The following CCDC178 variants were observed in gnomAD, a reference collection of about 807,000 sequenced individuals.
The protein encoded by CCDC178 is coiled-coil domain containing 178, also known as coiled-coil domain-containing protein 178.
CCDC178 carries 126 observed loss-of-function variants against 117.4 expected under a neutral mutation model. The ratio of observed to expected loss-of-function variants is 1.07; its 90% confidence interval spans 0.93 to 1.24. The LOEUF is 1.24. Ranked by LOEUF, CCDC178 falls within the 50% of genes most tolerant of loss-of-function variation. CCDC178 has a pLI of 0.00. For synonymous variants in CCDC178, 283 were observed against 313.4 expected (o/e 0.90, Z 1.02); for missense variants, 1,030 against 986.9 (o/e 1.04, Z -0.59).
chr18:33,009,638 C>A (rs2055822467), intron 21 of CCDC178, among the ~76,000 whole-genome samples: 1 of 152,100 alleles, frequency 6.6e-6, no homozygotes, highest in Non-Finnish European at 1.5e-5. Flanking sequence ...ATTCCTATAT[C>A]CATTCTAGAT....
chr18:33,245,921 C>T (rs961059074), intron 14 of CCDC178, among the ~76,000 whole-genome samples: 1 of 151,814 alleles, frequency 6.6e-6, no homozygotes, highest in African/African-American at 2.4e-5. Context: ...TTTGCAGCAT[C>T]TTCCACTAGA....
chr18:33,020,612 C>A (rs1358882500), intron 21 of CCDC178, among the ~76,000 whole-genome samples: 1 of 152,092 alleles, frequency 6.6e-6, no homozygotes, highest in East Asian at 1.9e-4. Context: ...AAAGCAATTG[C>A]TGATCACAAT....
chr18:33,142,023 T>C (rs935900897), intron 20 of CCDC178, among the ~76,000 whole-genome samples: 1 of 152,118 alleles, frequency 6.6e-6, no homozygotes, highest in Non-Finnish European at 1.5e-5. Context: ...CACCTATAAA[T>C]ATATAACAAC....
At chr18:33,138,956 C>A (rs2058162285) in intron 20 of CCDC178, among the ~76,000 whole-genome samples, 1 of 152,104 alleles carries the variant, frequency 6.6e-6, no homozygotes, top group Non-Finnish European at 1.5e-5. Context: ...TTGGCTGTGT[C>A]CCCACCCAAA....
intron 12 of CCDC178, among the ~76,000 whole-genome samples, chr18:33,274,793 T>C (rs2059928174): frequency 6.6e-6 from 1 of 152,030 alleles, no homozygotes; most frequent in African/African-American, 2.4e-5. Context: ...ATTAATGATT[T>C]GCACCACTAT....
chr18:33,234,413 G>A (rs1234818317), intron 15 of CCDC178, among the ~76,000 whole-genome samples: 2 of 151,822 alleles, frequency 1.3e-5, no homozygotes, highest in Non-Finnish European at 1.5e-5. Flanking sequence ...AGTAAACGAA[G>A]ACCAATGAAA....
At chr18:33,075,646 T>A (rs752999447) in intron 21 of CCDC178, among the ~76,000 whole-genome samples, 16 of 152,178 alleles carry the variant, frequency 1.1e-4, no homozygotes, top group Non-Finnish European at 1.2e-4. Context: ...AGATACAACA[T>A]TCTTGCCTTA....
chr18:33,261,295 G>A (rs1165314218), intron 14 of CCDC178, among the ~76,000 whole-genome samples: 1 of 152,142 alleles, frequency 6.6e-6, no homozygotes, highest in African/African-American at 2.4e-5. Flanking sequence ...GTGTTAGCCA[G>A]GATGGTCTCG....
At chr18:33,389,700 C>A in intron 4 of CCDC178, 71 bp from the exon 5 acceptor site, 1 of 687,840 alleles carries the variant, frequency 1.5e-6, no homozygotes, top group South Asian at 3.6e-5. Context: ...TAAGCACCAC[C>A]ATGTAAAAAA....
intron 20 of CCDC178, among the ~76,000 whole-genome samples, chr18:33,194,372 C>T (rs1393602421): frequency 2.0e-5 from 3 of 152,058 alleles, no homozygotes; most frequent in Non-Finnish European, 2.9e-5. Context: ...AACTAGAGAG[C>T]TCAAGTGGTT....
chr18:32,969,327 G>A (rs1485018810), intron 22 of CCDC178, among the ~76,000 whole-genome samples: 1 of 151,984 alleles, frequency 6.6e-6, no homozygotes, highest in Non-Finnish European at 1.5e-5. Flanking sequence ...CTGACCCCCA[G>A]TCCATTTGCT....
At chr18:33,373,448 T>C (rs922648428) in intron 5 of CCDC178, among the ~76,000 whole-genome samples, 2 of 152,296 alleles carry the variant, frequency 1.3e-5, no homozygotes, top group South Asian at 2.1e-4. Flanking sequence ...TTATTCTATA[T>C]CAAATTTTGC....
intron 20 of CCDC178, 33 bp downstream of exon 20, chr18:33,211,863 T>A: frequency 6.3e-7 from 1 of 1,575,576 alleles, no homozygotes; most frequent in Non-Finnish European, 8.6e-7. Flanking sequence ...ACTATATTCC[T>A]TTCATTTTGA....
intron 20 of CCDC178, among the ~76,000 whole-genome samples, chr18:33,125,453 A>G (rs1040099225): frequency 4.7e-4 from 72 of 152,220 alleles, no homozygotes; most frequent in Non-Finnish European, 6.9e-4. Context: ...ATAATCTTAA[A>G]AAACACCTAA....
At chr18:33,317,416 C>T (rs189841583) in intron 11 of CCDC178, among the ~76,000 whole-genome samples, 163 of 152,320 alleles carry the variant, frequency 1.1e-3, no homozygotes, top group East Asian at 6.6e-3. Flanking sequence ...AAACTCTGGA[C>T]ACGCCGCCTT....
At chr18:33,076,603 A>C (rs1322113068) in intron 21 of CCDC178, among the ~76,000 whole-genome samples, 1 of 152,194 alleles carries the variant, frequency 6.6e-6, no homozygotes. Flanking sequence ...ATTTGTCAGC[A>C]TTGATTATTA....
chr18:33,166,008 T>C (rs2058523332), intron 20 of CCDC178, among the ~76,000 whole-genome samples: 1 of 152,230 alleles, frequency 6.6e-6, no homozygotes, highest in African/African-American at 2.4e-5. Flanking sequence ...CAGTGAGTAC[T>C]TTTGGCACCA....
chr18:32,981,311 T>A (rs2055149467), intron 21 of CCDC178, among the ~76,000 whole-genome samples: 1 of 152,100 alleles, frequency 6.6e-6, no homozygotes, highest in African/African-American at 2.4e-5. Flanking sequence ...AAAATTGGAA[T>A]GGTAAACACA....
chr18:33,034,222 C>T (rs9960087), intron 21 of CCDC178, among the ~76,000 whole-genome samples: 23,021 of 151,886 alleles, frequency 0.15, 2,589 homozygotes, highest in African/African-American at 0.32. Context: ...CAGACACCTT[C>T]TGCATTAGGC....
Sources: allele counts gnomAD v4.1 joint callset (sites outside exome capture counted in the v4.1 genomes callset), GRCh38; gene constraint gnomAD v4.1.1; transcripts MANE v1.5; gene names NCBI Gene and HGNC (gene_info 2026-07-23, HGNC 2026-07-21).